The following OC90 variants were observed in gnomAD, a reference collection of about 807,000 sequenced individuals.
OC90 encodes the protein otoconin-90.
OC90 carries 46 observed loss-of-function variants against 47.3 expected under a neutral mutation model. The ratio of observed to expected loss-of-function variants is 0.97; its 90% confidence interval spans 0.77 to 1.24. The LOEUF (loss-of-function observed/expected upper bound fraction) is 1.24, where lower values mean the gene tolerates loss of function less well. OC90 is among the 50% of genes most tolerant of loss of function. The pLI, the probability that OC90 is intolerant of heterozygous loss-of-function variation, is 0.00. For missense variants in OC90, 688 were observed against 583.9 expected, an observed-to-expected ratio of 1.18 and a Z score of -1.84; for synonymous variants, 271 against 219.5, an observed-to-expected ratio of 1.23 and a Z score of -2.07.
rs1047650106 is a variant in OC90, at chr8:132,030,138, G to T, written c.1032-959C>A. ...TAGCACAAAAGAGACACACAATCTTGTGTGTGTATTTGGCAGGGATGGGTG... is the reference window on the plus strand; with the variant it reads ...TAGCACAAAAGAGACACACAATCTTTTGTGTGTATTTGGCAGGGATGGGTG... On this transcript the variant is annotated intron_variant, in intron 12 of 13. Coordinates refer to ENST00000254627, the MANE Select transcript of OC90 (RefSeq NM_001080399.3). 1.6e-4 allele frequency among the ~76,000 whole-genome samples: 24 copies of T among 152,296 alleles called. No homozygotes were observed. The South Asian group carries it at 1.9e-3, about 12-fold the overall frequency.
At chr8:132,047,484 T>C (rs570962025) in intron 2 of OC90, among the ~76,000 whole-genome samples, 9 of 152,332 alleles carry the variant, frequency 5.9e-5, no homozygotes, top group East Asian at 1.9e-4. Flanking sequence ...TACAGGGTAG[T>C]TTTATTTACT....
At chr8:132,029,265 C>T in intron 12 of OC90, 86 bp from the exon 13 acceptor site, 1 of 1,029,148 alleles carries the variant, frequency 9.7e-7, no homozygotes, top group South Asian at 1.3e-5. Context: ...TCCCACATAC[C>T]CTATAGTAGT....
rs377124546 is a variant in OC90 at position 132,028,807 on chromosome 8, GAA to G, written c.1138+264_1138+265del. ...GAGGAAGAAAGAAGAAGGAAAGAAA[GAA>G]AGAAAGAAAGAAAAAGAAAGAAAGA... On this transcript the variant is annotated intron_variant, in intron 13 of 13. Transcript: ENST00000254627. Among the ~76,000 whole-genome samples the G allele has an allele frequency of 4.4e-5, 3 of 67,766 alleles. No homozygotes were observed. In the East Asian group the frequency reaches 1.4e-3, roughly 31 times the overall value. 44.5% of individuals were successfully genotyped at this position (67,766 alleles called of 152,430 possible).
chr8:132,032,407 A>G (rs566202661), intron 11 of OC90, among the ~76,000 whole-genome samples: 1 of 152,104 alleles, frequency 6.6e-6, no homozygotes, highest in East Asian at 1.9e-4. Flanking sequence ...CTGAACTCTC[A>G]TGGTTTCTGG....
At chr8:132,030,859 A>G (rs1229719470) in intron 12 of OC90, among the ~76,000 whole-genome samples, 1 of 152,224 alleles carries the variant, frequency 6.6e-6, no homozygotes, top group Non-Finnish European at 1.5e-5. Flanking sequence ...ACAGCCACCC[A>G]CACATCAAAC....
At chr8:132,050,227 G>A (rs558274084) in intron 2 of OC90, among the ~76,000 whole-genome samples, 10 of 152,262 alleles carry the variant, frequency 6.6e-5, no homozygotes, top group African/African-American at 2.4e-4. Context: ...CAGACTGGCA[G>A]GAAAGAAGAC....
intron 2 of OC90, among the ~76,000 whole-genome samples, chr8:132,053,419 T>C (rs576194186): frequency 6.6e-6 from 1 of 152,310 alleles, no homozygotes; most frequent in African/African-American, 2.4e-5. Context: ...GAACATCCAA[T>C]AGTTGAACCA....
intron 12 of OC90, 40 bp downstream of exon 12, chr8:132,031,841 G>A: frequency 4.4e-6 from 7 of 1,575,294 alleles, no homozygotes; most frequent in Non-Finnish European, 6.1e-6. Flanking sequence ...GACAGCATCA[G>A]CACTACTACA....
intron 10 of OC90, among the ~76,000 whole-genome samples, 193 bp downstream of exon 10, chr8:132,034,588 T>C (rs1443874813): frequency 6.6e-6 from 1 of 152,190 alleles, no homozygotes; most frequent in African/African-American, 2.4e-5. Context: ...TCAGGGTGTT[T>C]GGTGTTAATC....
Position 132,033,050 on chromosome 8 carries a change from G to C in OC90, c.848C>G (p.Thr283Ser), listed in dbSNP as rs952259101. ...CTGCTTCTGCTCACCTTTTTCAGTG[G>C]TCTCCTCAGGATCATTTTCAACAGA... ...VSSVENDPEETTEKACDRFTF... is the reference protein window; with the variant it reads ...VSSVENDPEESTEKACDRFTF... The change falls in exon 11 of 14, where the codon ACC becomes AGC. Residue 283 changes from threonine to serine, a missense_variant. By Grantham distance (58) the Thr-to-Ser change is moderately conservative (BLOSUM62 1). Transcript: ENST00000254627. The C allele has an allele frequency of 6.2e-7, 1 of 1,609,476 alleles. No homozygotes were observed. Among genetic ancestry groups the C allele is most frequent in the Admixed American group, 1.7e-5 (1 of 59,504 alleles).
chr8:132,052,351 G>A (rs920670967), intron 2 of OC90, among the ~76,000 whole-genome samples: 15 of 152,172 alleles, frequency 9.9e-5, no homozygotes, highest in South Asian at 2.1e-4. Flanking sequence ...ATTAATCAGC[G>A]TAATAACCAG....
chr8:132,028,609 GGGAAGGAGGA>G (rs1822806137), intron 13 of OC90, among the ~76,000 whole-genome samples: 1 of 27,440 alleles, frequency 3.6e-5, no homozygotes, highest in African/African-American at 1.3e-4. Flanking sequence ...GAGGGAAGGA[GGGAAGGAGGA>G]AGGAAGGAAG....
At position 132,049,061 on chromosome 8, in the gene OC90, A is replaced by C. The variant is rs1013046307; in HGVS notation, c.47-3178T>G. Among the ~76,000 whole-genome samples the C allele has an allele frequency of 2.4e-4, 36 of 151,674 alleles. 1 individual carries two copies. Among genetic ancestry groups the C allele is most frequent in the African/African-American group, 8.8e-4 (36 of 40,916 alleles). ...AAACAATGAGGTTGACGATGAAGGT[A>C]ATGTCCAACAATGCAACCCATTTGT... On this transcript the variant is annotated intron_variant, in intron 2 of 13. Transcript: ENST00000254627.
At chr8:132,056,779 CTCAT>C (rs1823284564) in intron 1 of OC90, among the ~76,000 whole-genome samples, 1 of 152,162 alleles carries the variant, frequency 6.6e-6, no homozygotes, top group Non-Finnish European at 1.5e-5. Context: ...GCCCAGAGAC[CTCAT>C]TGAAATGATA....
intron 6 of OC90, among the ~76,000 whole-genome samples, chr8:132,039,408 T>A (rs1181936705): frequency 6.6e-6 from 1 of 152,198 alleles, no homozygotes; most frequent in Non-Finnish European, 1.5e-5. Flanking sequence ...CACACTGGGC[T>A]GAGGCCCTCT....
intron 1 of OC90, among the ~76,000 whole-genome samples, chr8:132,057,812 A>C (rs1458709955): frequency 1.3e-5 from 2 of 152,226 alleles, no homozygotes; most frequent in African/African-American, 4.8e-5. Flanking sequence ...TTGGCTATCA[A>C]GACGTCTCAC....
chr8:132,044,388 T>C, intron 4 of OC90, 45 bp downstream of exon 4: 1 of 1,081,582 alleles, frequency 9.2e-7, no homozygotes, highest in Non-Finnish European at 1.4e-6. Flanking sequence ...TGTCCACACA[T>C]GCTCTGACCT....
chr8:132,037,020 G>T (rs1460680477), intron 9 of OC90, among the ~76,000 whole-genome samples: 1 of 152,108 alleles, frequency 6.6e-6, no homozygotes, highest in African/African-American at 2.4e-5. Flanking sequence ...CCCCTTTCAG[G>T]GATTAGTGAA....
chr8:132,024,511 G>T lies in OC90; in HGVS notation c.1404C>A (p.Pro468=). ...TTCCATGAAGAGGCCCGATCCCCAA[G>T]GGACCCAGTGACTTCCGCAGAAACC... ...AKRFLRKSLG[P]LGIGPLHGR is the part of the protein sequence containing the mutation. The change falls in exon 14 of 14, where the codon CCC becomes CCA. Residue 468 remains proline, a synonymous_variant. Transcript: ENST00000254627. 6.3e-7 allele frequency: 1 copy of T among 1,581,498 alleles called. No homozygotes were observed. The highest frequency in any genetic ancestry group is 1.1e-5 in the South Asian group (1 of 87,878).
Sources: gnomAD v4.1 joint callset for allele counts (sites outside exome capture counted in the v4.1 genomes callset) on GRCh38, gnomAD v4.1.1 for gene constraint, MANE v1.5 for transcripts, NCBI Gene and HGNC (gene_info 2026-07-23, HGNC 2026-07-21) for gene names.